Variants in RBFOX1 observed in about 807,000 individuals in gnomAD.
The protein encoded by RBFOX1 is RNA binding protein fox-1 homolog 1.
A neutral mutation model predicts 57.7 loss-of-function variants in RBFOX1; 8 were observed. That is an observed-to-expected ratio of 0.14 (90% CI 0.08 to 0.25). The LOEUF is 0.25. Ranked by LOEUF, RBFOX1 falls within the 10% of genes least tolerant of loss-of-function variation. The probability of loss-of-function intolerance (pLI) is 1.00; values close to 1 mark genes in which losing one functional copy is unlikely to be tolerated. For missense variants in RBFOX1, 611 were observed against 548.5 expected (o/e 1.11, Z -1.14); for synonymous variants, 326 against 222.4 (o/e 1.47, Z -4.15).
intron 2 of RBFOX1, among the ~76,000 whole-genome samples, chr16:6,422,636 T>C (rs79274544): frequency 0.031 from 4,744 of 152,138 alleles, 116 homozygotes; most frequent in South Asian, 0.09. Flanking sequence ...GTAAGGTGAC[T>C]CACATGGCAG....
chr16:6,100,299 A>G (rs1008088928), intron 1 of RBFOX1, among the ~76,000 whole-genome samples: 5 of 152,048 alleles, frequency 3.3e-5, no homozygotes, highest in African/African-American at 1.2e-4. Flanking sequence ...AGGAGCTGGG[A>G]CTACAGGCGC....
intron 3 of RBFOX1, among the ~76,000 whole-genome samples, chr16:5,773,920 C>G (rs1024053770): frequency 1.2e-4 from 19 of 152,092 alleles, no homozygotes; most frequent in African/African-American, 4.6e-4. Flanking sequence ...TCTCGATCTA[C>G]TGACCTCATG....
intron 14 of RBFOX1, among the ~76,000 whole-genome samples, chr16:7,704,078 C>T (rs560727196): frequency 6.6e-6 from 1 of 152,266 alleles, no homozygotes; most frequent in African/African-American, 2.4e-5. Flanking sequence ...TACTGCTTTA[C>T]AAATGAGGAA....
chr16:7,298,187 C>G (rs933546308), intron 4 of RBFOX1, among the ~76,000 whole-genome samples: 4 of 151,946 alleles, frequency 2.6e-5, no homozygotes, highest in Admixed American at 6.6e-5. Context: ...TCCCCTGTTT[C>G]CCCTATTGCT....
At chr16:6,041,579 A>G (rs947633171) in intron 1 of RBFOX1, among the ~76,000 whole-genome samples, 3 of 152,120 alleles carry the variant, frequency 2.0e-5, no homozygotes, top group Non-Finnish European at 4.4e-5. Flanking sequence ...TGACTCCCTG[A>G]AGCCACATAC....
intron 4 of RBFOX1, among the ~76,000 whole-genome samples, chr16:7,405,172 C>T (rs61526587): frequency 4.7e-4 from 71 of 152,190 alleles, no homozygotes; most frequent in Non-Finnish European, 9.3e-4. Flanking sequence ...TTTCCTCATT[C>T]TAGCAAGAAA....
chr16:5,891,308 G>C (rs1458968183), intron 4 of RBFOX1, among the ~76,000 whole-genome samples: 3 of 152,174 alleles, frequency 2.0e-5, no homozygotes, highest in African/African-American at 7.2e-5. Flanking sequence ...CAGTGCACCA[G>C]CTGATCGCAG....
intron 4 of RBFOX1, among the ~76,000 whole-genome samples, chr16:5,881,695 T>C (rs1450895428): frequency 6.6e-6 from 1 of 152,026 alleles, no homozygotes; most frequent in Non-Finnish European, 1.5e-5. Flanking sequence ...AAAAGTTTTT[T>C]TAAAAAAAGA....
chr16:5,406,556 C>G (rs1685636719), intron 1 of RBFOX1, among the ~76,000 whole-genome samples: 3 of 152,000 alleles, frequency 2.0e-5, no homozygotes, highest in Admixed American at 6.6e-5. Flanking sequence ...CTCCCTCTCT[C>G]TGTGTTTCTC....
intron 1 of RBFOX1, among the ~76,000 whole-genome samples, chr16:6,247,761 G>A (rs1307683318): frequency 6.6e-6 from 1 of 152,236 alleles, no homozygotes. Flanking sequence ...AGGCAAGGCT[G>A]AATTACTCTA....
At chr16:7,614,163 C>T (rs1462766206) in intron 10 of RBFOX1, 4 of 152,224 alleles carry the variant, frequency 2.6e-5, no homozygotes, top group African/African-American at 7.2e-5. Flanking sequence ...GGATGTTTTG[C>T]ATAGTTTACG....
At chr16:5,925,480 A>G (rs548708376) in intron 4 of RBFOX1, among the ~76,000 whole-genome samples, 1 of 152,316 alleles carries the variant, frequency 6.6e-6, no homozygotes, top group Non-Finnish European at 1.5e-5. Context: ...AAAGTAGATT[A>G]ATGGTTGAAC....
intron 1 of RBFOX1, among the ~76,000 whole-genome samples, chr16:5,453,259 G>C (rs757143584): frequency 3.3e-5 from 5 of 152,152 alleles, no homozygotes; most frequent in Admixed American, 1.3e-4. Flanking sequence ...TCACAGTCTA[G>C]GGAACAGACT....
intron 2 of RBFOX1, among the ~76,000 whole-genome samples, chr16:6,620,478 AC>A (rs2098212885): frequency 1.3e-5 from 2 of 152,326 alleles, no homozygotes; most frequent in African/African-American, 4.8e-5. Context: ...CTAGCAGAAG[AC>A]AGGAAATAAC....
chr16:6,639,158 C>G (rs965039979), intron 2 of RBFOX1, among the ~76,000 whole-genome samples: 14 of 152,172 alleles, frequency 9.2e-5, no homozygotes, highest in Admixed American at 3.3e-4. Flanking sequence ...AAATTTTTTT[C>G]AAATCATGTG....
intron 13 of RBFOX1, among the ~76,000 whole-genome samples, chr16:7,673,837 G>C (rs1280369347): frequency 6.6e-6 from 1 of 152,188 alleles, no homozygotes; most frequent in African/African-American, 2.4e-5. Context: ...CGTTCCTTTG[G>C]TTTGGTGGTG....
chr16:5,591,274 G>T (rs1010140672), intron 2 of RBFOX1, among the ~76,000 whole-genome samples: 2 of 145,272 alleles, frequency 1.4e-5, no homozygotes, highest in African/African-American at 5.1e-5. Flanking sequence ...TTTTTGAGAC[G>T]GAGTTTCTCT....
intron 2 of RBFOX1, among the ~76,000 whole-genome samples, chr16:6,492,029 A>G (rs1365095981): frequency 1.3e-5 from 2 of 152,210 alleles, no homozygotes; most frequent in African/African-American, 2.4e-5. Context: ...GAGTAGACAT[A>G]TAGACTGAGT....
chr16:6,001,142 C>T (rs2059273), intron 4 of RBFOX1, among the ~76,000 whole-genome samples: 129,375 of 152,192 alleles, frequency 0.85, 55,557 homozygotes, highest in East Asian at 0.99. Context: ...TACTGGTAAG[C>T]TGTTGTGAGC....
Sources: gnomAD v4.1 joint callset for allele counts (sites outside exome capture counted in the v4.1 genomes callset) on GRCh38, gnomAD v4.1.1 for gene constraint, MANE v1.5 for transcripts, NCBI Gene and HGNC (gene_info 2026-07-23, HGNC 2026-07-21) for gene names.